The following WASHC3 variants were observed in gnomAD, a reference collection of about 807,000 sequenced individuals.
WASHC3 encodes the protein WASH complex subunit 3, also known as WASH complex subunit CCDC53.
In WASHC3, 24 loss-of-function variants were observed where a neutral mutation model predicts 26.1. That is an observed-to-expected ratio of 0.92 (90% CI 0.66 to 1.29). The LOEUF (loss-of-function observed/expected upper bound fraction) is 1.29, where lower values mean the gene tolerates loss of function less well. WASHC3 is among the 50% of genes most tolerant of loss of function. WASHC3 has a pLI of 0.00. For missense variants in WASHC3, 214 were observed against 229.6 expected (o/e 0.93, Z 0.44); for synonymous variants, 77 against 75.7 (o/e 1.02, Z -0.09).
intron 6 of WASHC3, among the ~76,000 whole-genome samples, chr12:102,019,993 T>C (rs537951835): frequency 1.4e-4 from 22 of 152,316 alleles, no homozygotes; most frequent in African/African-American, 5.1e-4. Flanking sequence ...CTTTTCCCTA[T>C]CCACTTCCTT....
chr12:102,039,127 G>GTTTTTTTTTTT (rs151151284), intron 5 of WASHC3, among the ~76,000 whole-genome samples: 1 of 84,272 alleles, frequency 1.2e-5, no homozygotes. Flanking sequence ...TATGGAGTTA[G>GTTTTTTTTTTT]GTTTTTTTTT....
chr12:102,039,343 G>T (rs1877838541), intron 5 of WASHC3, among the ~76,000 whole-genome samples: 1 of 151,584 alleles, frequency 6.6e-6, no homozygotes, highest in South Asian at 2.1e-4. Flanking sequence ...ACTTTCTAAA[G>T]GAATAAAAAA....
chr12:102,027,218 T>C (rs1409271963), intron 5 of WASHC3, among the ~76,000 whole-genome samples: 1 of 152,222 alleles, frequency 6.6e-6, no homozygotes, highest in African/African-American at 2.4e-5. Flanking sequence ...TTTTGAAATA[T>C]ACATCTTGAA....
intron 5 of WASHC3, among the ~76,000 whole-genome samples, chr12:102,039,092 T>C (rs1329248124): frequency 6.6e-6 from 1 of 150,462 alleles, no homozygotes; most frequent in Non-Finnish European, 1.5e-5. Flanking sequence ...CTTGAGTAGC[T>C]GGCACTACCA....
intron 2 of WASHC3, among the ~76,000 whole-genome samples, chr12:102,056,223 A>G (rs555350447): frequency 1.3e-5 from 2 of 152,344 alleles, no homozygotes; most frequent in Non-Finnish European, 2.9e-5. Context: ...TCTGCCTAAG[A>G]TATCTGAGCA....
At chr12:102,023,080 C>G (rs980977390) in intron 6 of WASHC3, among the ~76,000 whole-genome samples, 1 of 152,054 alleles carries the variant, frequency 6.6e-6, no homozygotes, top group East Asian at 1.9e-4. Flanking sequence ...TTAGAAGAAT[C>G]AAATCCAATA....
At chr12:102,056,519 T>G (rs1229801530) in intron 2 of WASHC3, among the ~76,000 whole-genome samples, 2 of 152,242 alleles carry the variant, frequency 1.3e-5, no homozygotes, top group African/African-American at 2.4e-5. Context: ...GGTATGATTA[T>G]GCATTTGTCC....
At chr12:102,016,508 G>C (rs1323011180) in intron 6 of WASHC3, among the ~76,000 whole-genome samples, 1 of 152,054 alleles carries the variant, frequency 6.6e-6, no homozygotes, top group Non-Finnish European at 1.5e-5. Context: ...CCTGGCCTCT[G>C]TTGTTATTTT....
chr12:102,060,726 C>T (rs909466797), intron 2 of WASHC3, among the ~76,000 whole-genome samples: 3 of 152,066 alleles, frequency 2.0e-5, no homozygotes, highest in Non-Finnish European at 2.9e-5. Flanking sequence ...GAGGCCGAGG[C>T]TAGTGGATCG....
At chr12:102,035,724 A>G (rs1201104406) in intron 5 of WASHC3, among the ~76,000 whole-genome samples, 4 of 152,214 alleles carry the variant, frequency 2.6e-5, no homozygotes, top group Non-Finnish European at 4.4e-5. Context: ...GTTAAAATGA[A>G]TACACGGATT....
chr12:102,058,070 G>T (rs970403106), intron 2 of WASHC3, among the ~76,000 whole-genome samples: 1 of 152,006 alleles, frequency 6.6e-6, no homozygotes, highest in Non-Finnish European at 1.5e-5. Context: ...AAAGAGCCCA[G>T]AAATAAATCC....
chr12:102,052,758 G>A (rs1878443335), intron 2 of WASHC3, among the ~76,000 whole-genome samples: 1 of 152,036 alleles, frequency 6.6e-6, no homozygotes, highest in African/African-American at 2.4e-5. Context: ...CATCCCAGTA[G>A]GCCCTTCTGT....
chr12:102,014,707 G>T lies in WASHC3; in HGVS notation c.501-1515C>A, dbSNP rs1876623846. On this transcript the variant is annotated intron_variant, in intron 6 of 6. Transcript: ENST00000240079. ...CAATACAGTGAAACTTTAAAGCTGG[G>T]TACAGCAGTTCCAGGATTTGACTGA... is the stretch of plus-strand genomic sequence containing the variant. Among the ~76,000 whole-genome samples the T allele has an allele frequency of 2.0e-5, 3 of 152,164 alleles. No homozygotes were observed. The South Asian group carries it at 6.2e-4, about 32-fold the overall frequency.
At chr12:102,049,270 C>T (rs1478225650) in intron 2 of WASHC3, among the ~76,000 whole-genome samples, 1 of 152,230 alleles carries the variant, frequency 6.6e-6, no homozygotes, top group Non-Finnish European at 1.5e-5. Flanking sequence ...AGCCATATGT[C>T]CCCTGGTTGA....
chr12:102,055,831 AC>A (rs1314429268), intron 2 of WASHC3, among the ~76,000 whole-genome samples: 7 of 152,260 alleles, frequency 4.6e-5, no homozygotes, highest in Non-Finnish European at 1.0e-4. Flanking sequence ...AGTTGGTGCC[AC>A]AGAGAATTTC....
intron 5 of WASHC3, among the ~76,000 whole-genome samples, chr12:102,037,037 G>GT (rs1565815982): frequency 6.6e-6 from 1 of 152,088 alleles, no homozygotes; most frequent in African/African-American, 2.4e-5. Context: ...TTAATCAGGA[G>GT]TTTTTTTCCA....
intron 2 of WASHC3, among the ~76,000 whole-genome samples, chr12:102,054,446 G>A (rs1043220056): frequency 6.6e-6 from 1 of 152,216 alleles, no homozygotes; most frequent in Non-Finnish European, 1.5e-5. Context: ...GGGATGCCAA[G>A]GCGGGAGGAT....
Position 102,061,939 on chromosome 12 carries a change from G to C in WASHC3, c.24C>G (p.Leu8=). Residue 8 remains leucine, a synonymous_variant, in exon 1 of 7, where the codon CTC becomes CTG. Coordinates refer to ENST00000240079, the MANE Select transcript of WASHC3 (RefSeq NM_016053.4). MDEDGLP[L]MGSGIDLTKV... ...TGGTCAGGTCTATGCCTGACCCCAT[G>C]AGAGGAAGCCCGTCCTCATCCATCT... 1 of 1,601,820 alleles carries C rather than the reference G, an allele frequency of 6.2e-7. No individual in the cohort carries two copies. Among genetic ancestry groups the C allele is most frequent in the Non-Finnish European group, 8.5e-7 (1 of 1,173,626 alleles).
chr12:102,017,748 C>A, intron 6 of WASHC3: 1 of 422,358 alleles, frequency 2.4e-6, no homozygotes, highest in African/African-American at 2.1e-5. Context: ...CCAATTTCTC[C>A]ACACCGTCAG....
Sources: allele counts gnomAD v4.1 joint callset (sites outside exome capture counted in the v4.1 genomes callset), GRCh38; gene constraint gnomAD v4.1.1; transcripts MANE v1.5; gene names NCBI Gene and HGNC (gene_info 2026-07-23, HGNC 2026-07-21).